The following PIGL variants were observed in gnomAD, a reference collection of about 807,000 sequenced individuals.
PIGL encodes the protein phosphatidylinositol glycan anchor biosynthesis class L, also known as N-acetylglucosaminyl-phosphatidylinositol de-N-acetylase.
A neutral mutation model predicts 31.1 loss-of-function variants in PIGL; 22 were observed. The ratio of observed to expected loss-of-function variants is 0.71; its 90% CI spans 0.51 to 1.01. The LOEUF (loss-of-function observed/expected upper bound fraction) is 1.01, where lower values mean the gene tolerates loss of function less well. PIGL is among the 50% of genes least tolerant of loss of function. The pLI is 0.00. For missense variants in PIGL, 302 were observed against 315.9 expected, an observed-to-expected ratio of 0.96 and a Z score of 0.33; for synonymous variants, 131 against 117.4, an observed-to-expected ratio of 1.12 and a Z score of -0.75.
At chr17:16,312,131 G>C (rs1381125499) in intron 3 of PIGL, among the ~76,000 whole-genome samples, 1 of 145,624 alleles carries the variant, frequency 6.9e-6, no homozygotes, top group Non-Finnish European at 1.5e-5. Flanking sequence ...GCCGGGCGGG[G>C]GCTGCCCGCA....
At chr17:16,273,043 T>C (rs1222471694) in intron 2 of PIGL, among the ~76,000 whole-genome samples, 4 of 152,204 alleles carry the variant, frequency 2.6e-5, no homozygotes, top group African/African-American at 9.6e-5. Context: ...ATGTGTTTGT[T>C]TATTCATTTA....
At chr17:16,246,336 A>C in intron 2 of PIGL, among the ~76,000 whole-genome samples, 1 of 147,650 alleles carries the variant, frequency 6.8e-6, no homozygotes, top group Non-Finnish European at 1.5e-5. Context: ...ACACGGTGAA[A>C]CCCCGTCTCT....
At chr17:16,224,989 C>G (rs1255388798) in intron 1 of PIGL, among the ~76,000 whole-genome samples, 1 of 152,198 alleles carries the variant, frequency 6.6e-6, no homozygotes, top group African/African-American at 2.4e-5. Flanking sequence ...TTCACTGACT[C>G]TACTGATTAA....
intron 2 of PIGL, among the ~76,000 whole-genome samples, chr17:16,245,745 TATACACACACATATATATATAC>T (rs2092742784): frequency 6.6e-6 from 1 of 150,952 alleles, no homozygotes; most frequent in Non-Finnish European, 1.5e-5. Context: ...CACACATATA[TATACACACACATATATATATAC>T]ATACACACAC....
intron 2 of PIGL, among the ~76,000 whole-genome samples, chr17:16,258,741 T>C (rs939011450): frequency 2.0e-5 from 3 of 152,116 alleles, no homozygotes; most frequent in Non-Finnish European, 4.4e-5. Flanking sequence ...CCTCAGGTGA[T>C]TGACCTGCCT....
chr17:16,252,224 C>A lies in PIGL; in HGVS notation c.335+18154C>A, dbSNP rs956800743. Among the ~76,000 whole-genome samples, 6 of 152,120 alleles carry A rather than the reference C, an allele frequency of 3.9e-5. No individual in the cohort carries two copies. The South Asian group carries it at 8.3e-4, about 21-fold the overall frequency. ...GAGTAGGTGGGATTACAGGCACATG[C>A]CAACACGCCTAGCTAATTTTTGTAT... On this transcript the variant is annotated intron_variant, in intron 2 of 6. Transcript: ENST00000225609.
chr17:16,217,480 G>T lies in PIGL; in HGVS notation c.235+19G>T. ...TCTGCAGGTAGGAGGCCATAGGAGG[G>T]GCGATGGGAGCCGGGGCTTTGAAAG... On this transcript the variant is annotated intron_variant, in intron 1 of 6. Transcript: ENST00000225609. 2 of 1,578,702 alleles carry T rather than the reference G, an allele frequency of 1.3e-6. No homozygotes were observed. The highest frequency in any genetic ancestry group is 1.7e-6 in the Non-Finnish European group (2 of 1,148,242).
At chr17:16,294,078 C>T (rs778230753) in intron 2 of PIGL, among the ~76,000 whole-genome samples, 6 of 152,128 alleles carry the variant, frequency 3.9e-5, no homozygotes, top group Non-Finnish European at 7.4e-5. Flanking sequence ...TGTTGCTCCA[C>T]GCCTTTCTTT....
chr17:16,291,115 G>C (rs977103396), intron 2 of PIGL, among the ~76,000 whole-genome samples: 3 of 152,230 alleles, frequency 2.0e-5, no homozygotes, highest in African/African-American at 7.2e-5. Flanking sequence ...TTTACCATAT[G>C]TGCATTCTTT....
intron 2 of PIGL, among the ~76,000 whole-genome samples, chr17:16,252,034 G>A (rs2092773976): frequency 6.7e-6 from 1 of 149,720 alleles, no homozygotes; most frequent in African/African-American, 2.5e-5. Context: ...ACAAAAACAC[G>A]AATTTCTCTA....
At chr17:16,296,956 G>A (rs1164293037) in intron 2 of PIGL, among the ~76,000 whole-genome samples, 14 of 152,062 alleles carry the variant, frequency 9.2e-5, no homozygotes, top group African/African-American at 3.1e-4. Context: ...TCCTGACCTC[G>A]TGATCCGCCC....
chr17:16,235,132 CATCT>C (rs1270885066), intron 2 of PIGL, among the ~76,000 whole-genome samples: 1 of 152,136 alleles, frequency 6.6e-6, no homozygotes, highest in African/African-American at 2.4e-5. Context: ...GGACACTTTT[CATCT>C]AGCTACAGAC....
chr17:16,311,769 GT>G (rs1202406981), intron 3 of PIGL, among the ~76,000 whole-genome samples: 1 of 151,876 alleles, frequency 6.6e-6, no homozygotes, highest in Non-Finnish European at 1.5e-5. Flanking sequence ...AGAGCACAGG[GT>G]TGGGGGTAAG....
intron 2 of PIGL, among the ~76,000 whole-genome samples, chr17:16,251,250 A>AC (rs1270103131): frequency 1.1e-4 from 16 of 151,990 alleles, no homozygotes; most frequent in Non-Finnish European, 1.5e-5. Flanking sequence ...ACATAGTGAG[A>AC]CCCCATCTCT....
intron 1 of PIGL, among the ~76,000 whole-genome samples, chr17:16,225,277 A>G (rs1334381880): frequency 6.6e-6 from 1 of 150,928 alleles, no homozygotes; most frequent in Admixed American, 6.6e-5. Context: ...TAATAATTCC[A>G]GTTTCTGCAG....
Position 16,308,473 on chromosome 17 carries a change from A to G in PIGL, c.427-5074A>G, listed in dbSNP as rs762718852. The stretch of plus-strand genomic sequence containing the variant: ...TTCATTCAATAAATATTTATTGAGT[A>G]CCCAATATGGGACATTCACTATAGG... On this transcript the variant is annotated intron_variant, in intron 3 of 6. Coordinates refer to ENST00000225609, the MANE Select transcript of PIGL (RefSeq NM_004278.4). 2.0e-5 allele frequency among the ~76,000 whole-genome samples: 3 copies of G among 152,190 alleles called. No individual in the cohort carries two copies. In the East Asian group the frequency reaches 5.8e-4, roughly 29 times the overall value.
Position 16,326,018 on chromosome 17 carries a change from T to C in PIGL, c.*120T>C, listed in dbSNP as rs2093126052. Reference sequence around the variant, plus strand: ...CAAGGAGATCCCCGCTGGAGCAGCCTCTGCAAAAGGGAGCCCATGTAGGCC... The same window carrying C: ...CAAGGAGATCCCCGCTGGAGCAGCCCCTGCAAAAGGGAGCCCATGTAGGCC... On this transcript the variant is annotated 3_prime_UTR_variant, in exon 7 of 7. Coordinates refer to ENST00000225609, the MANE Select transcript of PIGL (RefSeq NM_004278.4). 1 of 706,688 alleles carries C rather than the reference T, an allele frequency of 1.4e-6. No individual in the cohort carries two copies. The highest frequency in any genetic ancestry group is 2.6e-5 in the Admixed American group (1 of 38,696). 43.8% of individuals were successfully genotyped at this position (706,688 alleles called of 1,614,324 possible).
intron 2 of PIGL, among the ~76,000 whole-genome samples, chr17:16,240,880 G>C (rs1260065603): frequency 2.0e-5 from 2 of 99,932 alleles, no homozygotes; most frequent in Non-Finnish European, 4.1e-5. Flanking sequence ...AGGCCGAGGG[G>C]GTGGGGGGCA....
chr17:16,320,243 AAG>A (rs2093098235), intron 6 of PIGL, among the ~76,000 whole-genome samples: 3 of 85,932 alleles, frequency 3.5e-5, no homozygotes, highest in Non-Finnish European at 4.7e-5. Flanking sequence ...GGAAGGAAGG[AAG>A]GAAGGAAAGG....
Sources: gnomAD v4.1 joint callset for allele counts (sites outside exome capture counted in the v4.1 genomes callset) on GRCh38, gnomAD v4.1.1 for gene constraint, MANE v1.5 for transcripts, NCBI Gene and HGNC (gene_info 2026-07-23, HGNC 2026-07-21) for gene names.